The following RORA variants were observed in gnomAD, a reference collection of about 807,000 sequenced individuals.
RORA encodes nuclear receptor ROR-alpha.
In RORA, 7 loss-of-function variants were observed where a neutral mutation model predicts 69.5. The ratio of observed to expected loss-of-function variants is 0.10; its 90% CI spans 0.06 to 0.19. The LOEUF (loss-of-function observed/expected upper bound fraction) is 0.19. Ranked by LOEUF, RORA falls within the 10% of genes least tolerant of loss-of-function variation. The pLI, the probability that RORA is intolerant of heterozygous loss-of-function variation, is 1.00. For synonymous variants in RORA, 261 were observed against 240.8 expected (o/e 1.08, Z -0.78); for missense variants, 457 against 663.0 (o/e 0.69, Z 3.41).
chr15:60,963,611 T>A (rs1893473422), intron 1 of RORA, among the ~76,000 whole-genome samples: 1 of 152,256 alleles, frequency 6.6e-6, no homozygotes. Context: ...TGCATTCCTC[T>A]GCTCCTGTGC....
At chr15:60,911,092 TTTTTTTTTTTTTTTG>T (rs1891700600) in intron 1 of RORA, among the ~76,000 whole-genome samples, 1 of 127,588 alleles carries the variant, frequency 7.8e-6, no homozygotes, top group South Asian at 2.7e-4. Context: ...TTTTTTTTTT[TTTTTTTTTTTTTTTG>T]TATTTTTAGT....
chr15:60,625,856 C>A (rs2069562515), intron 2 of RORA, among the ~76,000 whole-genome samples: 1 of 152,202 alleles, frequency 6.6e-6, no homozygotes, highest in South Asian at 2.1e-4. Context: ...CCTTTCGTAC[C>A]TTTTGAATAT....
At chr15:60,812,224 C>G (rs2072754201) in intron 1 of RORA, among the ~76,000 whole-genome samples, 1 of 152,170 alleles carries the variant, frequency 6.6e-6, no homozygotes, top group South Asian at 2.1e-4. Context: ...TAAATGAAAG[C>G]AAGGTGCGGT....
intron 2 of RORA, among the ~76,000 whole-genome samples, chr15:60,664,412 C>G (rs543088267): frequency 6.6e-6 from 1 of 152,238 alleles, no homozygotes; most frequent in East Asian, 1.9e-4. Context: ...TAGCTCCTCT[C>G]ACTGTGCTAT....
chr15:61,220,165 A>G (rs1385052110), intron 1 of RORA, among the ~76,000 whole-genome samples: 1 of 152,242 alleles, frequency 6.6e-6, no homozygotes, highest in Non-Finnish European at 1.5e-5. Context: ...TCAACTAATA[A>G]GAGCACTAAA....
rs1567034523 is a variant in RORA at position 60,497,012 on chromosome 15, A to C, written c.*443T>G. On this transcript the variant is annotated 3_prime_UTR_variant, in exon 11 of 11. Transcript: ENST00000335670. ...CGGTGAAAAAATAAAAACTTCCTTC[A>C]TGAAACAAAGAGCTAGTTGTGCAAA... The C allele has an allele frequency of 6.5e-6, 1 of 154,128 alleles. No individual in the cohort carries two copies. The highest frequency in any genetic ancestry group is 2.4e-5 in the African/African-American group (1 of 41,446). The allele number at this position is 154,128 out of a possible 1,614,324, so 9.5% of individuals were successfully genotyped here. A position where few individuals can be genotyped will look rare whatever the true frequency, so the allele number is the denominator to read the frequency against.
intron 1 of RORA, among the ~76,000 whole-genome samples, chr15:61,047,912 A>C (rs1397426785): frequency 6.6e-6 from 1 of 152,240 alleles, no homozygotes. Flanking sequence ...CCACGACAGA[A>C]CCATCCAAAC....
At chr15:60,776,622 G>A (rs1463858996) in intron 1 of RORA, among the ~76,000 whole-genome samples, 1 of 152,192 alleles carries the variant, frequency 6.6e-6, no homozygotes, top group Non-Finnish European at 1.5e-5. Flanking sequence ...AGGGTAAGAA[G>A]CTTGCAATTG....
At chr15:60,815,786 A>C (rs1595736445) in intron 1 of RORA, among the ~76,000 whole-genome samples, 1 of 151,368 alleles carries the variant, frequency 6.6e-6, no homozygotes, top group Non-Finnish European at 1.5e-5. Context: ...CTGTTCCTCC[A>C]TTCTGATCTT....
At chr15:61,017,691 A>G (rs1345979142) in intron 1 of RORA, among the ~76,000 whole-genome samples, 2 of 152,278 alleles carry the variant, frequency 1.3e-5, no homozygotes, top group East Asian at 3.9e-4. Context: ...AGAAGAGAAA[A>G]TCAGCCACGA....
chr15:60,615,665 T>C (rs1240197994), intron 2 of RORA, among the ~76,000 whole-genome samples: 1 of 152,188 alleles, frequency 6.6e-6, no homozygotes, highest in East Asian at 1.9e-4. Context: ...CATAAGGAAG[T>C]TGTTTATGTT....
chr15:60,761,860 G>T (rs1402380501), intron 1 of RORA, among the ~76,000 whole-genome samples: 1 of 152,080 alleles, frequency 6.6e-6, no homozygotes, highest in African/African-American at 2.4e-5. Context: ...AACCAGGAGG[G>T]TGTGTGATTC....
chr15:61,151,020 G>T (rs911778038), intron 1 of RORA, among the ~76,000 whole-genome samples: 1 of 152,184 alleles, frequency 6.6e-6, no homozygotes, highest in South Asian at 2.1e-4. Context: ...ATTACCTGAC[G>T]CAAGATAGCA....
intron 2 of RORA, among the ~76,000 whole-genome samples, chr15:60,589,277 A>C (rs1305738367): frequency 6.6e-6 from 1 of 152,246 alleles, no homozygotes; most frequent in Non-Finnish European, 1.5e-5. Context: ...CTACCAACAC[A>C]TACAGTATTT....
At chr15:60,587,014 C>G (rs780536833) in intron 2 of RORA, among the ~76,000 whole-genome samples, 3 of 152,144 alleles carry the variant, frequency 2.0e-5, no homozygotes, top group African/African-American at 4.8e-5. Flanking sequence ...CACGAGAATT[C>G]GTAAGCTTTA....
At chr15:60,592,508 A>T in intron 2 of RORA, 1 of 1,308,434 alleles carries the variant, frequency 7.6e-7, no homozygotes, top group Non-Finnish European at 9.7e-7. Context: ...CCCGAGCCAC[A>T]GCAGCAGCTG....
At chr15:60,592,329 C>A in intron 2 of RORA, 1 of 1,278,100 alleles carries the variant, frequency 7.8e-7, no homozygotes, top group Non-Finnish European at 1.0e-6. Flanking sequence ...TGCGCGCCCT[C>A]CTCCCCGCCC....
At chr15:60,668,338 A>C (rs1286614882) in intron 2 of RORA, among the ~76,000 whole-genome samples, 2 of 152,256 alleles carry the variant, frequency 1.3e-5, no homozygotes, top group African/African-American at 4.8e-5. Flanking sequence ...TTTTTTAACA[A>C]GGAGGAAAAC....
intron 1 of RORA, among the ~76,000 whole-genome samples, chr15:61,166,263 AAACT>A (rs1771803453): frequency 6.6e-6 from 1 of 152,192 alleles, no homozygotes; most frequent in Admixed American, 6.5e-5. Context: ...ACGATCTATT[AAACT>A]GACCAGTTTC....
Sources: allele counts gnomAD v4.1 joint callset (sites outside exome capture counted in the v4.1 genomes callset), GRCh38; gene constraint gnomAD v4.1.1; transcripts MANE v1.5; gene names NCBI Gene and HGNC (gene_info 2026-07-23, HGNC 2026-07-21).